The following POLR3G variants were observed in gnomAD, a reference collection of about 807,000 sequenced individuals.
POLR3G encodes DNA-directed RNA polymerase III subunit RPC7.
In POLR3G, 28 loss-of-function variants were observed where a neutral mutation model predicts 30.1. The observed-to-expected ratio is 0.93, with a 90% CI of 0.69 to 1.27. POLR3G has a LOEUF of 1.27. Among genes scored for constraint, POLR3G ranks in the 50% most tolerant of loss-of-function variants. The probability of loss-of-function intolerance (pLI) is 0.00; values close to 1 mark genes in which losing one functional copy is unlikely to be tolerated. For missense variants in POLR3G, 254 were observed against 264.6 expected, an observed-to-expected ratio of 0.96 and a Z score of 0.28; for synonymous variants, 79 against 82.5, an observed-to-expected ratio of 0.96 and a Z score of 0.23.
At chr5:90,512,001 C>A in intron 7 of POLR3G, 52 bp from the exon 8 acceptor site, 1 of 1,214,482 alleles carries the variant, frequency 8.2e-7, no homozygotes, top group Non-Finnish European at 1.2e-6. Context: ...GGAATATTTT[C>A]TTACTACTCA....
At chr5:90,496,184 A>G (rs187390138) in intron 4 of POLR3G, among the ~76,000 whole-genome samples, 36 of 151,964 alleles carry the variant, frequency 2.4e-4, no homozygotes, top group Middle Eastern at 3.4e-3. Context: ...TGTTCGCCAG[A>G]ATGGTCTTGA....
At chr5:90,496,229 A>G (rs1580210068) in intron 4 of POLR3G, among the ~76,000 whole-genome samples, 2 of 152,230 alleles carry the variant, frequency 1.3e-5, no homozygotes, top group South Asian at 2.1e-4. Flanking sequence ...CAGCCTCCCA[A>G]AGTGCTGGGA....
intron 1 of POLR3G, among the ~76,000 whole-genome samples, chr5:90,478,108 C>T (rs1452763330): frequency 6.6e-6 from 1 of 152,148 alleles, no homozygotes; most frequent in Non-Finnish European, 1.5e-5. Context: ...TTTCAGTTAC[C>T]TCATAACTCA....
chr5:90,507,502 T>A (rs1173906672), intron 7 of POLR3G, among the ~76,000 whole-genome samples: 1 of 152,252 alleles, frequency 6.6e-6, no homozygotes, highest in Non-Finnish European at 1.5e-5. Context: ...GCTAGCCAGC[T>A]GCTAACCTCA....
chr5:90,508,684 T>C (rs976137578), intron 7 of POLR3G, among the ~76,000 whole-genome samples: 1 of 152,112 alleles, frequency 6.6e-6, no homozygotes, highest in African/African-American at 2.4e-5. Context: ...AAATTATTGC[T>C]ACCACGCTCA....
chr5:90,497,957 A>G (rs1256585035), intron 5 of POLR3G, among the ~76,000 whole-genome samples: 2 of 152,134 alleles, frequency 1.3e-5, no homozygotes, highest in African/African-American at 2.4e-5. Context: ...AGTTAAAACA[A>G]GTATTAGCCA....
chr5:90,477,570 A>G (rs1324132283), intron 1 of POLR3G, among the ~76,000 whole-genome samples: 1 of 152,206 alleles, frequency 6.6e-6, no homozygotes, highest in Non-Finnish European at 1.5e-5. Context: ...CAGAATACCT[A>G]TCCTGATTGT....
chr5:90,494,901 A>T lies in POLR3G; in HGVS notation c.248-776A>T, dbSNP rs183843820. ...TTTTTTTCCGGTATACTGAGGGTTAAAATTATTTAAAATATGGAAACTGTT... is the reference window on the plus strand; with the variant it reads ...TTTTTTTCCGGTATACTGAGGGTTATAATTATTTAAAATATGGAAACTGTT... On this transcript the variant is annotated intron_variant, in intron 3 of 7. Transcript: ENST00000651687. Among the ~76,000 whole-genome samples the T allele has an allele frequency of 1.8e-4, 27 of 152,332 alleles. No homozygotes were observed. The East Asian group carries it at 5.2e-3, about 29-fold the overall frequency.
intron 7 of POLR3G, among the ~76,000 whole-genome samples, chr5:90,507,254 G>A (rs1006720641): frequency 2.0e-5 from 3 of 152,094 alleles, no homozygotes; most frequent in South Asian, 4.1e-4. Flanking sequence ...AGCCTCTTCG[G>A]GACTTTGTAG....
intron 1 of POLR3G, among the ~76,000 whole-genome samples, chr5:90,476,054 C>G (rs1464446496): frequency 6.6e-6 from 1 of 152,192 alleles, no homozygotes; most frequent in Non-Finnish European, 1.5e-5. Context: ...GAGAACTTAA[C>G]TAACCTCTTA....
At chr5:90,504,423 G>A (rs1414895086) in intron 6 of POLR3G, among the ~76,000 whole-genome samples, 1 of 151,948 alleles carries the variant, frequency 6.6e-6, no homozygotes, top group Non-Finnish European at 1.5e-5. Context: ...TTAGCTGGGC[G>A]TGGTAGCAGG....
chr5:90,487,378 A>ATTTT lies in POLR3G; in HGVS notation c.118-596_118-593dup, dbSNP rs59951999. 9.4e-3 allele frequency among the ~76,000 whole-genome samples: 535 copies of ATTTT among 57,064 alleles called. 69 individuals are homozygous for ATTTT. The highest frequency in any genetic ancestry group is 0.029 in the African/African-American group (369 of 12,642). The allele number at this position is 57,064 out of a possible 152,430, so 37.4% of individuals were successfully genotyped here. On this transcript the variant is annotated intron_variant, in intron 2 of 7. Coordinates refer to ENST00000651687, the MANE Select transcript of POLR3G (RefSeq NM_006467.3). The stretch of plus-strand genomic sequence containing the variant: ...TTTTCTTTTTTTTTTTGGTACATTA[A>ATTTT]TTTTTTTTTTTTTTTTTTTTTTTTT...
At chr5:90,493,017 A>AAAAG (rs58735848) in intron 3 of POLR3G, among the ~76,000 whole-genome samples, 101,002 of 149,554 alleles carry the variant, frequency 0.68, 34,592 homozygotes, top group African/African-American at 0.79. Context: ...ACATATGAGA[A>AAAAG]AACCAGAGGA....
In POLR3G at chr5:90,508,567, T is replaced by C. The variant is rs368771890; in HGVS notation, c.585+1893T>C. On this transcript the variant is annotated intron_variant, in intron 7 of 7. Transcript: ENST00000651687. ...CCATCTCTTGAAAAGCTTCTTTAGC[T>C]GTCATCACCCCTCCCCCTCCCCCAC... is the stretch of plus-strand genomic sequence containing the variant. Among the ~76,000 whole-genome samples the C allele has an allele frequency of 3.9e-4, 60 of 152,238 alleles. No homozygotes were observed. The South Asian group carries it at 0.012, about 29-fold the overall frequency.
upstream of POLR3G, chr5:90,474,094 C>G (rs1750642232): frequency 6.3e-7 from 1 of 1,574,898 alleles, no homozygotes. Flanking sequence ...TCTTTGGCCT[C>G]TCGGTCCTGC....
At chr5:90,499,239 G>T (rs986274795) in intron 5 of POLR3G, among the ~76,000 whole-genome samples, 4 of 152,148 alleles carry the variant, frequency 2.6e-5, no homozygotes, top group African/African-American at 9.7e-5. Flanking sequence ...CTAACCCTGA[G>T]CTTACAGGAA....
chr5:90,501,980 A>G lies in POLR3G; in HGVS notation c.430A>G (p.Lys144Glu). Residue 144 changes from lysine to glutamate, a missense_variant, in exon 6 of 8, where the codon AAA (lysine) becomes GAA (glutamate). Coordinates refer to ENST00000651687, the MANE Select transcript of POLR3G (RefSeq NM_006467.3). ...CACTAATACTGAAGATGTGTTGAAA[A>G]AAATGGAGGTAAGGTTTTCTTCTTA... ...PLTNTEDVLK[K>E]MEELEKRGDG... The G allele has an allele frequency of 6.2e-7, 1 of 1,612,812 alleles. No homozygotes were observed. Among genetic ancestry groups the G allele is most frequent in the East Asian group, 2.2e-5 (1 of 44,754 alleles).
chr5:90,506,466 T>A, intron 6 of POLR3G, 62 bp from the exon 7 acceptor site: 1 of 1,554,462 alleles, frequency 6.4e-7, no homozygotes, highest in South Asian at 1.3e-5. Context: ...CCCTTAAGGC[T>A]AAGCAGGGAA....
chr5:90,491,590 C>G (rs1751727923), intron 3 of POLR3G, among the ~76,000 whole-genome samples: 1 of 147,310 alleles, frequency 6.8e-6, no homozygotes, highest in East Asian at 2.0e-4. Flanking sequence ...AACTTTTATT[C>G]TTGCATAGAG....
Sources: gnomAD v4.1 joint callset for allele counts (sites outside exome capture counted in the v4.1 genomes callset) on GRCh38, gnomAD v4.1.1 for gene constraint, MANE v1.5 for transcripts, NCBI Gene and HGNC (gene_info 2026-07-23, HGNC 2026-07-21) for gene names.